Variants in SMARCD3 observed in about 807,000 individuals in gnomAD.
The protein encoded by SMARCD3 is SWI/SNF related BAF chromatin remodeling complex subunit D3.
A neutral mutation model predicts 58.0 loss-of-function variants in SMARCD3; 14 were observed. The observed-to-expected ratio is 0.24, with a 90% CI of 0.16 to 0.38. SMARCD3 has a LOEUF of 0.38. SMARCD3 is among the 10% of genes least tolerant of loss of function. The probability of loss-of-function intolerance (pLI) is 1.00; values close to 1 mark genes in which losing one functional copy is unlikely to be tolerated. For missense variants in SMARCD3, 408 were observed against 636.9 expected (o/e 0.64, Z 3.87); for synonymous variants, 253 against 253.8 (o/e 1.00, Z 0.03).
intron 2 of SMARCD3, among the ~76,000 whole-genome samples, chr7:151,257,046 T>C (rs72617363): frequency 0.071 from 10,746 of 152,252 alleles, 922 homozygotes; most frequent in East Asian, 0.49. Context: ...AGCGCTCTTC[T>C]TTCATTTTTT....
upstream of SMARCD3, chr7:151,248,885 A>C: frequency 5.8e-6 from 1 of 171,966 alleles, no homozygotes; most frequent in Non-Finnish European, 1.2e-5. This position sits in a 1 kb window ranked among gnomAD's most constrained non-coding sequence, Gnocchi z 6.1. Flanking sequence ...CGCTGTCCAA[A>C]CAGCGCAGAT....
At chr7:151,264,921 G>A (rs1804035765) in intron 2 of SMARCD3, among the ~76,000 whole-genome samples, 1 of 152,180 alleles carries the variant, frequency 6.6e-6, no homozygotes, top group African/African-American at 2.4e-5. Flanking sequence ...AGCAGCCCAG[G>A]GGCCCAAGGA....
intron 1 of SMARCD3, among the ~76,000 whole-genome samples, chr7:151,247,288 G>A (rs1311544128): frequency 6.6e-6 from 1 of 151,994 alleles, no homozygotes; most frequent in Non-Finnish European, 1.5e-5. Context: ...CTTTTTAAAG[G>A]GGCTCCCACC....
chr7:151,242,698 T>A lies in SMARCD3; in HGVS notation c.456+23A>T. 1 of 1,613,802 alleles carries A rather than the reference T, an allele frequency of 6.2e-7. No homozygotes were observed. Among genetic ancestry groups the A allele is most frequent in the Non-Finnish European group, 8.5e-7 (1 of 1,179,882 alleles). On this transcript the variant is annotated intron_variant, in intron 4 of 12. Coordinates refer to ENST00000262188, the MANE Select transcript of SMARCD3 (RefSeq NM_001003801.2). This position sits in a 1 kb window ranked among gnomAD's most constrained non-coding sequence, Gnocchi z 4.7. ...CTGGTCACACAACTCTAGAGTCCCCTTCCTACCCCCGAACTAAGGCACCTT... is the reference window on the plus strand; with the variant it reads ...CTGGTCACACAACTCTAGAGTCCCCATCCTACCCCCGAACTAAGGCACCTT...
intron 2 of SMARCD3, among the ~76,000 whole-genome samples, chr7:151,258,872 T>C (rs1005436627): frequency 6.6e-6 from 1 of 152,134 alleles, no homozygotes; most frequent in African/African-American, 2.4e-5. Flanking sequence ...CCAAAAGCCT[T>C]TGTTCACATG....
intron 2 of SMARCD3, among the ~76,000 whole-genome samples, chr7:151,259,601 G>GTTT (rs112223142): frequency 0.02 from 1,410 of 70,384 alleles, 134 homozygotes; most frequent in African/African-American, 0.038. Flanking sequence ...CAACCTGAGA[G>GTTT]TTTTTTTTTT....
At chr7:151,266,103 G>A (rs1398886965) in intron 2 of SMARCD3, among the ~76,000 whole-genome samples, 1 of 152,048 alleles carries the variant, frequency 6.6e-6, no homozygotes, top group African/African-American at 2.4e-5. Flanking sequence ...CTGAGTAGCT[G>A]GGATTACAGG....
chr7:151,262,949 C>G (rs1041194747), intron 2 of SMARCD3, among the ~76,000 whole-genome samples: 4 of 152,218 alleles, frequency 2.6e-5, no homozygotes, highest in South Asian at 2.1e-4. Flanking sequence ...CAGAGCCCAG[C>G]AGGCTAAAAC....
In SMARCD3 at chr7:151,241,676, G is replaced by C; in HGVS notation, c.778-23C>G. 1 of 1,602,894 alleles carries C rather than the reference G, an allele frequency of 6.2e-7. No homozygotes were observed. The highest frequency in any genetic ancestry group is 1.7e-4 in the Middle Eastern group (1 of 6,040). ...AGGCTGGGAAAAGGGGACTGTGAAA[G>C]TTAGACCAAAGGGAGAGAAAGGAAG... On this transcript the variant is annotated intron_variant, in intron 7 of 12. Transcript: ENST00000262188. This position sits in a 1 kb window ranked among gnomAD's most constrained non-coding sequence, Gnocchi z 5.3.
chr7:151,273,498 C>A (rs1321716367), intron 2 of SMARCD3, among the ~76,000 whole-genome samples: 2 of 152,264 alleles, frequency 1.3e-5, no homozygotes, highest in East Asian at 3.8e-4. Context: ...CCCGTTCAAC[C>A]TGGCCTCTAA....
In SMARCD3 at chr7:151,246,921, A is replaced by C. The variant is rs550847119; in HGVS notation, c.79-1250T>G. 6.6e-6 allele frequency among the ~76,000 whole-genome samples: 1 copy of C among 151,886 alleles called. No homozygotes were observed. The highest frequency in any genetic ancestry group is 2.1e-4 in the South Asian group (1 of 4,800). On this transcript the variant is annotated intron_variant, in intron 1 of 12. Transcript: ENST00000262188. This position sits in a 1 kb window ranked among gnomAD's most constrained non-coding sequence, Gnocchi z 4.4. ...CACTGTTAACATGGACACACCACCC[A>C]CCTCACCCCCAGGCATGAGGAGGGG... is the stretch of plus-strand genomic sequence containing the variant.
At chr7:151,257,818 C>T (rs961728887) in intron 2 of SMARCD3, among the ~76,000 whole-genome samples, 1 of 152,074 alleles carries the variant, frequency 6.6e-6, no homozygotes, top group African/African-American at 2.4e-5. Context: ...CTCACTTCCT[C>T]GGAGATCTCA....
At chr7:151,258,371 C>A (rs1019207929) in intron 2 of SMARCD3, among the ~76,000 whole-genome samples, 2 of 152,014 alleles carry the variant, frequency 1.3e-5, no homozygotes, top group African/African-American at 4.8e-5. Flanking sequence ...TCGAGAGCAG[C>A]CTGGCCAACA....
chr7:151,262,459 C>T (rs1316062210), intron 2 of SMARCD3, among the ~76,000 whole-genome samples: 2 of 152,232 alleles, frequency 1.3e-5, no homozygotes, highest in East Asian at 1.9e-4. Flanking sequence ...CTGCTGGTAA[C>T]GGCATCCAAA....
Position 151,242,581 on chromosome 7 carries a change from T to C in SMARCD3, c.479A>G (p.Tyr160Cys), listed in dbSNP as rs182299814. The change falls in exon 5 of 13, where the codon TAT (tyrosine) becomes TGT (cysteine). Residue 160 changes from tyrosine to cysteine, a missense_variant. By Grantham distance (194) the Tyr-to-Cys change is radical. Around this residue, in one of 4 missense-constraint regions of SMARCD3, gnomAD observed 128 missense variants for 188.8 expected, o/e 0.68. Coordinates refer to ENST00000262188, the MANE Select transcript of SMARCD3 (RefSeq NM_001003801.2). This position sits in a 1 kb window ranked among gnomAD's most constrained non-coding sequence, Gnocchi z 4.7. ...CGCAGGGTTAAAAGTGTTGGAGATATAGAGTCGCAGCTTCCGCTTTTGCTG... is the reference window on the plus strand; with the variant it reads ...CGCAGGGTTAAAAGTGTTGGAGATACAGAGTCGCAGCTTCCGCTTTTGCTG... ...PMKQKRKLRL[Y>C]ISNTFNPAKP... 53 of 1,613,630 alleles carry C rather than the reference T, an allele frequency of 3.3e-5. No individual in the cohort carries two copies. The highest frequency in any genetic ancestry group is 1.8e-4 in the East Asian group (8 of 44,856).
rs757811098 is a variant in SMARCD3 at position 151,246,499 on chromosome 7, G to A, written c.79-828C>T. 5.9e-5 allele frequency among the ~76,000 whole-genome samples: 9 copies of A among 152,126 alleles called. No individual in the cohort carries two copies. Among genetic ancestry groups the A allele is most frequent in the East Asian group, 1.9e-4 (1 of 5,180 alleles). On this transcript the variant is annotated intron_variant, in intron 1 of 12. Transcript: ENST00000262188. The surrounding 1 kb of genome is among the most constrained non-coding windows in gnomAD (Gnocchi z 4.4). ...CTCTGATTGGGAGGAGGGGAACTGC[G>A]TTAGAGGTGGGCTGCCCAGGGGGGC...
chr7:151,241,733 G>A lies in SMARCD3; in HGVS notation c.778-80C>T, dbSNP rs1231349445. ...AGGGCCAGGCCATTCAGGACTAGGG[G>A]GATGTGTTGATTGAGGAAACATGCC... On this transcript the variant is annotated intron_variant, in intron 7 of 12. Coordinates refer to ENST00000262188, the MANE Select transcript of SMARCD3 (RefSeq NM_001003801.2). This position sits in a 1 kb window ranked among gnomAD's most constrained non-coding sequence, Gnocchi z 5.3. The A allele has an allele frequency of 1.4e-6, 2 of 1,444,482 alleles. No homozygotes were observed. The highest frequency in any genetic ancestry group is 2.4e-5 in the East Asian group (1 of 42,236). The allele number at this position is 1,444,482 out of a possible 1,614,324, so 89.5% of individuals were successfully genotyped here.
Position 151,240,505 on chromosome 7 carries a change from C to T in SMARCD3, c.957G>A (p.Arg319=), listed in dbSNP as rs1802925780. 2 of 1,613,402 alleles carry T rather than the reference C, an allele frequency of 1.2e-6. No individual in the cohort carries two copies. Among genetic ancestry groups the T allele is most frequent in the Non-Finnish European group, 1.7e-6 (2 of 1,179,728 alleles). ...GCTGGGGAATCTCAGAAAACTTCAG[C>T]CGGGGACAATCAAAAATCTGAAGCA... is the stretch of plus-strand genomic sequence containing the variant. The part of the protein sequence containing the change: ...KYFQQIFDCP[R]LKFSEIPQRL... The change falls in exon 9 of 13, where the codon CGG becomes CGA. Residue 319 remains arginine, a synonymous_variant. Coordinates refer to ENST00000262188, the MANE Select transcript of SMARCD3 (RefSeq NM_001003801.2).
chr7:151,258,779 C>T (rs542899848), intron 2 of SMARCD3, among the ~76,000 whole-genome samples: 121 of 152,084 alleles, frequency 8.0e-4, no homozygotes, highest in Admixed American at 1.5e-3. Flanking sequence ...TTCTGGGCTC[C>T]CTGTGGTGCT....
Sources: gnomAD v4.1 joint callset for allele counts (sites outside exome capture counted in the v4.1 genomes callset) on GRCh38, gnomAD v4.1.1 for gene constraint, gnomAD v4.1.1 regional missense constraint, Gnocchi (gnomAD v3.1) non-coding constraint, MANE v1.5 for transcripts, NCBI Gene and HGNC (gene_info 2026-07-23, HGNC 2026-07-21) for gene names.